Variants in OR13G1 observed in about 807,000 individuals in gnomAD.
OR13G1 encodes olfactory receptor 13G1.
For synonymous variants in OR13G1, 128 were observed against 136.2 expected, an observed-to-expected ratio of 0.94 and a Z score of 0.42; for missense variants, 369 against 385.7, an observed-to-expected ratio of 0.96 and a Z score of 0.36.
intron 1 of OR13G1, among the ~76,000 whole-genome samples, chr1:247,679,274 T>A (rs1290660024): frequency 6.6e-6 from 1 of 152,182 alleles, no homozygotes; most frequent in Non-Finnish European, 1.5e-5. Context: ...TAAAACAATT[T>A]CTCATACATG....
At chr1:247,678,638 G>C (rs1431454563) in intron 1 of OR13G1, among the ~76,000 whole-genome samples, 2 of 152,180 alleles carry the variant, frequency 1.3e-5, no homozygotes, top group Non-Finnish European at 2.9e-5. Context: ...TGAAGTACTA[G>C]AAAAGAAGTG....
intron 1 of OR13G1, among the ~76,000 whole-genome samples, chr1:247,675,198 A>G (rs1226886705): frequency 6.6e-6 from 1 of 152,134 alleles, no homozygotes; most frequent in Non-Finnish European, 1.5e-5. Context: ...AATCACCAAA[A>G]ACAGGCACTC....
chr1:247,676,635 A>G (rs1344274024), intron 1 of OR13G1, among the ~76,000 whole-genome samples: 2 of 152,216 alleles, frequency 1.3e-5, no homozygotes, highest in African/African-American at 4.8e-5. Flanking sequence ...CTTTGGGACC[A>G]TGAGAAAATC....
At position 247,671,213 on chromosome 1, in the gene OR13G1, T is replaced by C. The variant is rs1232601673; in HGVS notation, c.*905A>G. 1 of 152,178 alleles carries C rather than the reference T, an allele frequency of 6.6e-6. No homozygotes were observed. The highest frequency in any genetic ancestry group is 1.5e-5 in the Non-Finnish European group (1 of 68,032). 9.4% of individuals were successfully genotyped at this position (152,178 alleles called of 1,614,324 possible). The stretch of plus-strand genomic sequence containing the variant: ...ACTTGAAATGGTGTAATAATATAGC[T>C]ATAGCCAATGAGATGTAGCTTATAC... On this transcript the variant is annotated 3_prime_UTR_variant, in exon 2 of 2. Coordinates refer to ENST00000642119, the MANE Select transcript of OR13G1 (RefSeq NM_001005487.2).
chr1:247,677,419 G>A (rs1369560103), intron 1 of OR13G1, among the ~76,000 whole-genome samples: 2 of 152,128 alleles, frequency 1.3e-5, no homozygotes, highest in South Asian at 2.1e-4. Context: ...GCATCATAGA[G>A]GATGAATTCA....
Position 247,672,626 on chromosome 1 carries a change from A to G in OR13G1, c.416T>C (p.Val139Ala). Residue 139 changes from valine to alanine, a missense_variant, in exon 2 of 2, where the codon GTA becomes GCA. Transcript: ENST00000642119. ...YSTIMNHHMC[V>A]ALLSMVMAIA... Reference sequence around the variant, plus strand: ...AGCCATGACCATGCTGAGCAAGGCTACACACATATGGTGGTTCATAATAGT... The same window carrying G: ...AGCCATGACCATGCTGAGCAAGGCTGCACACATATGGTGGTTCATAATAGT... 6.2e-7 allele frequency: 1 copy of G among 1,614,072 alleles called. No individual in the cohort carries two copies. The highest frequency in any genetic ancestry group is 8.5e-7 in the Non-Finnish European group (1 of 1,179,962).
chr1:247,676,695 G>A (rs781742058), intron 1 of OR13G1, among the ~76,000 whole-genome samples: 15 of 152,066 alleles, frequency 9.9e-5, no homozygotes, highest in African/African-American at 3.1e-4. Context: ...ACTTAATTTG[G>A]TCTTGGATAA....
rs1318180728 is a variant in OR13G1 at position 247,672,769 on chromosome 1, A to G, written c.273T>C (p.Tyr91=). Residue 91 remains tyrosine (Y), a synonymous_variant, in exon 2 of 2, where the codon TAT becomes TAC. Coordinates refer to ENST00000642119, the MANE Select transcript of OR13G1 (RefSeq NM_001005487.2). ...AGAAGAGCTGGGACATGCAGCCTGC[A>G]TATGAAATGGTATTTTCTGATGTTA... ...TMLTSENTIS[Y]AGCMSQLFLF... The G allele has an allele frequency of 6.2e-7, 1 of 1,614,108 alleles. No individual in the cohort carries two copies. The highest frequency in any genetic ancestry group is 8.5e-7 in the Non-Finnish European group (1 of 1,180,018).
At position 247,672,758 on chromosome 1, in the gene OR13G1, A is replaced by G. The variant is rs1558292901; in HGVS notation, c.284T>C (p.Met95Thr). The change falls in exon 2 of 2, where the codon ATG becomes ACG. Residue 95 changes from methionine (M) to threonine (T), a missense_variant. By Grantham distance (81) the Met-to-Thr change is moderately conservative (BLOSUM62 -1). Transcript: ENST00000642119. The stretch of plus-strand genomic sequence containing the variant: ...CCATGTGAACAAGAAGAGCTGGGAC[A>G]TGCAGCCTGCATATGAAATGGTATT... ...SENTISYAGC[M>T]SQLFLFTWSL... 3 of 1,614,142 alleles carry G rather than the reference A, an allele frequency of 1.9e-6. No individual in the cohort carries two copies. Among genetic ancestry groups the G allele is most frequent in the Admixed American group, 1.7e-5 (1 of 59,960 alleles).
At chr1:247,675,304 A>C (rs1298323264) in intron 1 of OR13G1, among the ~76,000 whole-genome samples, 4 of 151,772 alleles carry the variant, frequency 2.6e-5, no homozygotes. Flanking sequence ...GTTATTTATC[A>C]ATGTTATTTA....
chr1:247,676,534 T>C (rs1007706607), intron 1 of OR13G1, among the ~76,000 whole-genome samples: 2 of 152,158 alleles, frequency 1.3e-5, no homozygotes, highest in African/African-American at 4.8e-5. Flanking sequence ...CTAATCATTA[T>C]GCTATTAGAT....
At chr1:247,674,655 C>A (rs1385483775) in intron 1 of OR13G1, among the ~76,000 whole-genome samples, 1 of 152,152 alleles carries the variant, frequency 6.6e-6, no homozygotes, top group African/African-American at 2.4e-5. Flanking sequence ...AGGTCCTCTG[C>A]AGAGATGATA....
In OR13G1 at chr1:247,672,015, G is replaced by A; in HGVS notation, c.*103C>T. 1 of 913,762 alleles carries A rather than the reference G, an allele frequency of 1.1e-6. No individual in the cohort carries two copies. Among genetic ancestry groups the A allele is most frequent in the Admixed American group, 2.5e-5 (1 of 39,964 alleles). The allele number at this position is 913,762 out of a possible 1,614,324, so 56.6% of individuals were successfully genotyped here. ...CTAGGAAGAAGGCAGGAATAAGAGG[G>A]AAGGGAAAATTGGAGTGGAGGTAAG... On this transcript the variant is annotated 3_prime_UTR_variant, in exon 2 of 2. Coordinates refer to ENST00000642119, the MANE Select transcript of OR13G1 (RefSeq NM_001005487.2).
Position 247,672,332 on chromosome 1 carries a change from G to T in OR13G1, c.710C>A (p.Thr237Lys). 1 of 1,613,992 alleles carries T rather than the reference G, an allele frequency of 6.2e-7. No homozygotes were observed. Among genetic ancestry groups the T allele is most frequent in the Non-Finnish European group, 8.5e-7 (1 of 1,179,898 alleles). ...TVEGKRKAFS[T>K]CSSHLTVVTL... is the part of the protein sequence containing the mutation. ...CACCACTGTGAGATGAGATGAGCATGTTGAGAAGGCCTTCCTCTTGCCTTC... is the reference window on the plus strand; with the variant it reads ...CACCACTGTGAGATGAGATGAGCATTTTGAGAAGGCCTTCCTCTTGCCTTC... The change falls in exon 2 of 2, where the codon ACA becomes AAA. Residue 237 changes from threonine to lysine, a missense_variant. Transcript: ENST00000642119.
At position 247,672,145 on chromosome 1, in the gene OR13G1, C is replaced by T. The variant is rs781257206; in HGVS notation, c.897G>A (p.Arg299=). 1 of 1,613,778 alleles carries T rather than the reference C, an allele frequency of 6.2e-7. No homozygotes were observed. Among genetic ancestry groups the T allele is most frequent in the African/African-American group, 1.3e-5 (1 of 75,028 alleles). ...FQNREMQAGI[R]KVFAFLKH ...AGTGTTTCAGAAATGCAAACACCTT[C>T]CTAATTCCTGCCTGCATCTCCCTAT... is the stretch of plus-strand genomic sequence containing the variant. Residue 299 remains arginine (R), a synonymous_variant, in exon 2 of 2, where the codon AGG becomes AGA. Transcript: ENST00000642119.
intron 1 of OR13G1, among the ~76,000 whole-genome samples, chr1:247,674,661 T>C (rs1659305984): frequency 6.6e-6 from 1 of 152,198 alleles, no homozygotes; most frequent in South Asian, 2.1e-4. Flanking sequence ...TCTGCAGAGA[T>C]GATACAATTT....
intron 1 of OR13G1, among the ~76,000 whole-genome samples, chr1:247,674,591 G>C (rs1572439914): frequency 6.6e-6 from 1 of 152,096 alleles, no homozygotes; most frequent in East Asian, 1.9e-4. Flanking sequence ...TCATACTGAA[G>C]GAATGTTACA....
intron 1 of OR13G1, among the ~76,000 whole-genome samples, chr1:247,673,574 G>A (rs554941751): frequency 6.6e-6 from 1 of 152,040 alleles, no homozygotes; most frequent in Non-Finnish European, 1.5e-5. Context: ...TATTTCAGAT[G>A]AAAAATGCCC....
chr1:247,678,792 G>A (rs1476491076), intron 1 of OR13G1, among the ~76,000 whole-genome samples: 1 of 152,118 alleles, frequency 6.6e-6, no homozygotes, highest in Non-Finnish European at 1.5e-5. Flanking sequence ...TACAAATCAT[G>A]GCCCTACCCT....
Sources: gnomAD v4.1 joint callset for allele counts (sites outside exome capture counted in the v4.1 genomes callset) on GRCh38, gnomAD v4.1.1 for gene constraint, MANE v1.5 for transcripts, NCBI Gene and HGNC (gene_info 2026-07-23, HGNC 2026-07-21) for gene names.